Variants in HNF4G observed in about 807,000 individuals in gnomAD.
HNF4G encodes the protein hepatocyte nuclear factor 4 gamma.
Under a neutral mutation model 50.9 loss-of-function variants are expected in HNF4G, and 21 were observed. That is an observed-to-expected ratio of 0.41 (90% CI 0.29 to 0.59). HNF4G has a LOEUF of 0.59. Ranked by LOEUF, HNF4G falls within the 20% of genes least tolerant of loss-of-function variation. The pLI is 0.26. For missense variants in HNF4G, 527 were observed against 559.4 expected (o/e 0.94, Z 0.58); for synonymous variants, 198 against 185.6 (o/e 1.07, Z -0.54).
At chr8:75,444,771 T>C (rs1724142298) in intron 1 of HNF4G, among the ~76,000 whole-genome samples, 1 of 90,450 alleles carries the variant, frequency 1.1e-5, no homozygotes, top group Non-Finnish European at 2.2e-5. Context: ...GCACCCAGAT[T>C]CATAAAGCAA....
chr8:75,508,369 T>TAA (rs74275110), intron 2 of HNF4G, among the ~76,000 whole-genome samples: 6 of 134,550 alleles, frequency 4.5e-5, no homozygotes, highest in Admixed American at 1.5e-4. Context: ...AGCATTTACT[T>TAA]AAAAAAAAAA....
upstream of HNF4G, among the ~76,000 whole-genome samples, chr8:75,538,289 T>C (rs1806523135): frequency 6.6e-6 from 1 of 152,192 alleles, no homozygotes; most frequent in East Asian, 1.9e-4. Flanking sequence ...TAGAGTCAAA[T>C]GCCTGGATCC....
At chr8:75,426,338 C>G (rs1235643979) in intron 1 of HNF4G, among the ~76,000 whole-genome samples, 2 of 152,128 alleles carry the variant, frequency 1.3e-5, no homozygotes, top group Non-Finnish European at 2.9e-5. Context: ...CTAGACTTAT[C>G]GTACTTTTTA....
At chr8:75,539,770 T>C, upstream of HNF4G, 2 of 470,206 alleles carry the variant, frequency 4.3e-6, no homozygotes, top group Non-Finnish European at 7.6e-6. Flanking sequence ...TCATATGCCA[T>C]AAAAGAAGAA....
Position 75,547,703 on chromosome 8 carries a change from A to C in HNF4G, c.382+22A>C, listed in dbSNP as rs752194481. The C allele has an allele frequency of 2.2e-6, 3 of 1,335,738 alleles. No individual in the cohort carries two copies. In the East Asian group the frequency reaches 6.9e-5, roughly 31 times the overall value. 82.7% of individuals were successfully genotyped at this position (1,335,738 alleles called of 1,614,324 possible). On this transcript the variant is annotated intron_variant, in intron 3 of 9. Coordinates refer to ENST00000396423, the MANE Select transcript of HNF4G (RefSeq NM_004133.5). ...GAAGGTAATAATAATGATGATGATA[A>C]TTAACATTATTGATGAAAAGTGATA...
At chr8:75,517,012 G>A in intron 2 of HNF4G, among the ~76,000 whole-genome samples, 1 of 152,124 alleles carries the variant, frequency 6.6e-6, no homozygotes, top group East Asian at 1.9e-4. Context: ...TCACAATCAT[G>A]AGAGAAGGCA....
chr8:75,509,355 G>C (rs1805687622), intron 2 of HNF4G, among the ~76,000 whole-genome samples: 1 of 152,188 alleles, frequency 6.6e-6, no homozygotes. Flanking sequence ...TCTAAGATTT[G>C]TCTGAAGAGA....
chr8:75,477,660 A>G (rs1254956123), intron 1 of HNF4G, among the ~76,000 whole-genome samples: 1 of 151,748 alleles, frequency 6.6e-6, no homozygotes, highest in African/African-American at 2.4e-5. Flanking sequence ...AAATATATAT[A>G]TAAATATATA....
chr8:75,447,417 A>G (rs9643424), intron 1 of HNF4G, among the ~76,000 whole-genome samples: 2 of 133,038 alleles, frequency 1.5e-5, no homozygotes, highest in Admixed American at 7.6e-5. Context: ...GCAACAAAAG[A>G]CAAAATTGAC....
intron 1 of HNF4G, among the ~76,000 whole-genome samples, chr8:75,483,292 G>A (rs1407538105): frequency 6.6e-6 from 1 of 151,574 alleles, no homozygotes; most frequent in Non-Finnish European, 1.5e-5. Flanking sequence ...ATTAGTCAAG[G>A]GATGGTTACT....
chr8:75,475,817 T>C lies in HNF4G; in HGVS notation c.-143-14272T>C, dbSNP rs183209498. Among the ~76,000 whole-genome samples the C allele has an allele frequency of 7.2e-5, 11 of 152,270 alleles. No homozygotes were observed. In the East Asian group the frequency reaches 2.1e-3, roughly 29 times the overall value. On this transcript the variant is annotated intron_variant, in intron 1 of 10. Coordinates refer to the HNF4G transcript ENST00000354370. ...AACCATAGAAGTACAATTTATATTATAGGGTAGAAACTAAAGTGTATGTAG... is the reference window on the plus strand; with the variant it reads ...AACCATAGAAGTACAATTTATATTACAGGGTAGAAACTAAAGTGTATGTAG...
At chr8:75,439,842 T>G (rs830773) in intron 1 of HNF4G, among the ~76,000 whole-genome samples, 127,407 of 151,848 alleles carry the variant, frequency 0.84, 54,190 homozygotes, top group African/African-American at 0.96. Flanking sequence ...GTTTTTTAGA[T>G]AATTCAGTTT....
chr8:75,414,957 C>T (rs1378586985), intron 1 of HNF4G, among the ~76,000 whole-genome samples: 1 of 152,134 alleles, frequency 6.6e-6, no homozygotes, highest in Non-Finnish European at 1.5e-5. Context: ...ATCTGGTTTC[C>T]AGAGTAGTTG....
intron 2 of HNF4G, among the ~76,000 whole-genome samples, chr8:75,511,920 C>T (rs1805764767): frequency 6.6e-6 from 1 of 152,162 alleles, no homozygotes; most frequent in African/African-American, 2.4e-5. Context: ...TTCATGATTA[C>T]TAAGTACCCT....
chr8:75,534,280 C>T (rs1806403516), intron 2 of HNF4G, among the ~76,000 whole-genome samples: 1 of 151,826 alleles, frequency 6.6e-6, no homozygotes, highest in African/African-American at 2.4e-5. Context: ...GTTTCCTTAC[C>T]AGTATAATCT....
rs117978687 is a variant in HNF4G, at chr8:75,432,689, C to T, written c.-144+24527C>T. Among the ~76,000 whole-genome samples, 1,320 of 152,242 alleles carry T rather than the reference C, an allele frequency of 8.7e-3. 12 individuals are homozygous for T. The highest frequency in any genetic ancestry group is 0.012 in the Non-Finnish European group (810 of 68,020). On this transcript the variant is annotated intron_variant, in intron 1 of 10. Coordinates refer to the HNF4G transcript ENST00000354370. ...AGCTAGCTTCTGAGATGCCACCCAG[C>T]GATCCTTGTCCTCCTGGTATTCATG... is the stretch of plus-strand genomic sequence containing the variant.
chr8:75,552,438 T>C (rs1259713742), intron 4 of HNF4G, among the ~76,000 whole-genome samples: 1 of 152,168 alleles, frequency 6.6e-6, no homozygotes, highest in Non-Finnish European at 1.5e-5. Context: ...TTTTATATAG[T>C]CTAAAATTAC....
intron 9 of HNF4G, among the ~76,000 whole-genome samples, chr8:75,561,560 T>C (rs552767155): frequency 6.6e-6 from 1 of 152,314 alleles, no homozygotes; most frequent in South Asian, 2.1e-4. Flanking sequence ...TGACCAATCA[T>C]GGACAGACTA....
At chr8:75,424,715 G>A (rs1268372392) in intron 1 of HNF4G, among the ~76,000 whole-genome samples, 3 of 152,132 alleles carry the variant, frequency 2.0e-5, no homozygotes, top group Non-Finnish European at 2.9e-5. Context: ...CAAAGAACAT[G>A]ATTTCTTTCT....
Sources: gnomAD v4.1 joint callset for allele counts (sites outside exome capture counted in the v4.1 genomes callset) on GRCh38, gnomAD v4.1.1 for gene constraint, MANE v1.5 for transcripts, NCBI Gene and HGNC (gene_info 2026-07-23, HGNC 2026-07-21) for gene names.